The following DLGAP1 variants were observed in gnomAD, a reference collection of about 807,000 sequenced individuals.
DLGAP1 encodes disks large-associated protein 1.
DLGAP1 carries 11 observed loss-of-function variants against 90.8 expected under a neutral mutation model. The ratio of observed to expected loss-of-function variants is 0.12; its 90% CI spans 0.08 to 0.20. The LOEUF is 0.20. DLGAP1 is among the 10% of genes least tolerant of loss of function. DLGAP1 has a pLI of 1.00. For synonymous variants in DLGAP1, 558 were observed against 540.7 expected (o/e 1.03, Z -0.44); for missense variants, 1,050 against 1,333.8 (o/e 0.79, Z 3.31).
Position 4,189,911 on chromosome 18 carries a change from T to C in DLGAP1, c.-266-38624A>G, listed in dbSNP as rs138281527. ...AAAAAATGAATCTAGACACAGACCT[T>C]AGAAGCAACAGGCGCTCCCATACAT... On this transcript the variant is annotated intron_variant, in intron 1 of 12. Coordinates refer to ENST00000315677, the MANE Select transcript of DLGAP1 (RefSeq NM_004746.4). Among the ~76,000 whole-genome samples the C allele has an allele frequency of 1.3e-3, 203 of 152,158 alleles. 1 individual carries two copies. The East Asian group carries it at 0.033, about 25-fold the overall frequency.
chr18:3,934,031 A>G (rs868619751), intron 3 of DLGAP1, among the ~76,000 whole-genome samples: 6 of 152,336 alleles, frequency 3.9e-5, no homozygotes, highest in Middle Eastern at 3.4e-3. Flanking sequence ...CTCAGTAGGC[A>G]GCAGCCATGC....
At chr18:4,319,808 A>G (rs914191541) in intron 1 of DLGAP1, among the ~76,000 whole-genome samples, 1 of 152,308 alleles carries the variant, frequency 6.6e-6, no homozygotes, top group East Asian at 1.9e-4. Context: ...GGAAAATCAC[A>G]TTTGAATTTT....
intron 2 of DLGAP1, among the ~76,000 whole-genome samples, chr18:4,030,223 C>G: frequency 6.6e-6 from 1 of 152,034 alleles, no homozygotes; most frequent in East Asian, 1.9e-4. Context: ...AAATTCTTGA[C>G]CTTGTGTTCC....
chr18:3,737,472 C>T (rs1326296728), intron 6 of DLGAP1, among the ~76,000 whole-genome samples: 35 of 141,812 alleles, frequency 2.5e-4, no homozygotes, highest in African/African-American at 2.4e-4. Flanking sequence ...GTTCAATATA[C>T]GCAAATCAAT....
At chr18:3,601,846 G>GAAAAAAAAAAAAA (rs60470269) in intron 7 of DLGAP1, among the ~76,000 whole-genome samples, 2 of 96,988 alleles carry the variant, frequency 2.1e-5, no homozygotes, top group African/African-American at 4.8e-5. Context: ...CTCCATCTCG[G>GAAAAAAAAAAAAA]AAAAAAAAAA....
At chr18:4,269,718 T>C (rs2079231185) in intron 1 of DLGAP1, among the ~76,000 whole-genome samples, 1 of 151,890 alleles carries the variant, frequency 6.6e-6, no homozygotes, top group East Asian at 1.9e-4. Context: ...ATTGACATAG[T>C]CTATAATTAA....
At chr18:4,349,252 G>A (rs530833744) in intron 1 of DLGAP1, among the ~76,000 whole-genome samples, 1 of 152,202 alleles carries the variant, frequency 6.6e-6, no homozygotes, top group East Asian at 1.9e-4. Flanking sequence ...ATTTAATCAT[G>A]AACAAACATC....
At chr18:4,220,483 C>T (rs57864103) in intron 1 of DLGAP1, among the ~76,000 whole-genome samples, 2 of 152,176 alleles carry the variant, frequency 1.3e-5, no homozygotes, top group South Asian at 2.1e-4. Context: ...GGGTGGATGG[C>T]GACACTGTAA....
intron 7 of DLGAP1, among the ~76,000 whole-genome samples, chr18:3,602,465 G>T (rs2057100905): frequency 1.3e-5 from 2 of 151,082 alleles, no homozygotes; most frequent in South Asian, 4.2e-4. Flanking sequence ...CGTGGTGGCG[G>T]GCGCCTGTAG....
At chr18:4,122,246 T>C (rs2076164291) in intron 2 of DLGAP1, among the ~76,000 whole-genome samples, 1 of 152,148 alleles carries the variant, frequency 6.6e-6, no homozygotes, top group South Asian at 2.1e-4. Flanking sequence ...GGAGGGGTTA[T>C]AGGAGGGGAA....
intron 3 of DLGAP1, among the ~76,000 whole-genome samples, chr18:3,915,624 A>T (rs953457831): frequency 1.3e-5 from 2 of 152,226 alleles, no homozygotes; most frequent in Non-Finnish European, 2.9e-5. Flanking sequence ...AAATCTTTGC[A>T]TCTTAAAAAT....
chr18:4,015,190 T>C (rs1400391201), intron 2 of DLGAP1, among the ~76,000 whole-genome samples: 1 of 152,052 alleles, frequency 6.6e-6, no homozygotes, highest in African/African-American at 2.4e-5. Flanking sequence ...GAGATAATGG[T>C]GTGTATAACT....
intron 8 of DLGAP1, chr18:3,580,649 G>T: frequency 1.9e-6 from 3 of 1,605,706 alleles, no homozygotes; most frequent in Non-Finnish European, 2.6e-6. Flanking sequence ...TGACCCAGAG[G>T]CGAGGAGATT....
chr18:4,262,729 T>C (rs1340134716), intron 1 of DLGAP1, among the ~76,000 whole-genome samples: 2 of 152,128 alleles, frequency 1.3e-5, no homozygotes, highest in African/African-American at 4.8e-5. Context: ...TGAACCACCC[T>C]CAGTAATCCC....
chr18:4,014,244 C>A (rs2074482336), intron 2 of DLGAP1, among the ~76,000 whole-genome samples: 1 of 152,048 alleles, frequency 6.6e-6, no homozygotes, highest in Non-Finnish European at 1.5e-5. Context: ...CACCACCACA[C>A]CCAGCTAATT....
At chr18:4,255,509 A>AT (rs11413477) in intron 1 of DLGAP1, among the ~76,000 whole-genome samples, 11,237 of 147,274 alleles carry the variant, frequency 0.076, 1,417 homozygotes, top group African/African-American at 0.27. Context: ...ATGAAAAAAA[A>AT]AATATATATA....
intron 7 of DLGAP1, among the ~76,000 whole-genome samples, chr18:3,705,303 C>CTTT (rs34878394): frequency 1.4e-5 from 2 of 142,118 alleles, no homozygotes; most frequent in African/African-American, 2.6e-5. Flanking sequence ...TTTCAGGCTA[C>CTTT]TTTTTTTTTT....
Position 3,938,396 on chromosome 18 carries a change from T to C in DLGAP1, c.-72-58256A>G, listed in dbSNP as rs1212802698. On this transcript the variant is annotated intron_variant, in intron 3 of 12. Coordinates refer to ENST00000315677, the MANE Select transcript of DLGAP1 (RefSeq NM_004746.4). ...AAGTGTAAGGGGATGAGAAAAAGCC[T>C]CTCTGAGGAGGAGACGTTCAAGCTG... Among the ~76,000 whole-genome samples the C allele has an allele frequency of 2.0e-5, 3 of 152,028 alleles. No homozygotes were observed. The East Asian group carries it at 5.8e-4, about 29-fold the overall frequency.
At chr18:4,109,130 C>A (rs930201496) in intron 2 of DLGAP1, among the ~76,000 whole-genome samples, 1 of 150,958 alleles carries the variant, frequency 6.6e-6, no homozygotes, top group Non-Finnish European at 1.5e-5. Flanking sequence ...ATTCCAGGTC[C>A]AGCTTGTAAC....
Sources: allele counts gnomAD v4.1 joint callset (sites outside exome capture counted in the v4.1 genomes callset), GRCh38; gene constraint gnomAD v4.1.1; transcripts MANE v1.5; gene names NCBI Gene and HGNC (gene_info 2026-07-23, HGNC 2026-07-21).